Variants in AVL9 observed in about 807,000 individuals in gnomAD.
The protein encoded by AVL9 is late secretory pathway protein AVL9 homolog.
A neutral mutation model predicts 79.2 loss-of-function variants in AVL9; 49 were observed. The observed-to-expected ratio is 0.62, with a 90% confidence interval of 0.49 to 0.79. The LOEUF is 0.79. Among genes scored for constraint, AVL9 ranks in the 30% least tolerant of loss-of-function variants. The probability of loss-of-function intolerance (pLI) is 0.00; values close to 1 mark genes in which losing one functional copy is unlikely to be tolerated. For synonymous variants in AVL9, 299 were observed against 280.6 expected (o/e 1.07, Z -0.65); for missense variants, 682 against 776.8 (o/e 0.88, Z 1.45).
chr7:32,527,811 T>G (rs1788468642), intron 1 of AVL9, among the ~76,000 whole-genome samples: 2 of 152,186 alleles, frequency 1.3e-5, no homozygotes, highest in Admixed American at 6.5e-5. Flanking sequence ...AAATTCAAAG[T>G]GTGTTCCACC....
At chr7:32,535,248 T>C (rs1333384388) in intron 1 of AVL9, 1 of 152,194 alleles carries the variant, frequency 6.6e-6, no homozygotes, top group Non-Finnish European at 1.5e-5. Flanking sequence ...GTAAATAAAA[T>C]CTTTGGAGAC....
rs984711889 is a variant in AVL9 at position 32,570,073 on chromosome 7, T to C, written c.1269T>C (p.Asp423=). 1.2e-6 allele frequency: 2 copies of C among 1,614,252 alleles called. No individual in the cohort carries two copies. Among genetic ancestry groups the C allele is most frequent in the Non-Finnish European group, 8.5e-7 (1 of 1,180,038 alleles). ...TGCAGCAGCATCATCTTCTCTCCGA[T>C]GTCACCGTTCGGGGGTTTGTTGCTG... The part of the protein sequence containing the change: ...MALQQHHLLS[D]VTVRGFVAGA... The change falls in exon 11 of 16, where the codon GAT becomes GAC. Residue 423 remains aspartate, a synonymous_variant. Coordinates refer to ENST00000318709, the MANE Select transcript of AVL9 (RefSeq NM_015060.3).
chr7:32,574,577 C>CT (rs973418915), intron 12 of AVL9, among the ~76,000 whole-genome samples: 54 of 149,474 alleles, frequency 3.6e-4, no homozygotes, highest in East Asian at 7.8e-4. Context: ...TAGTAGCTCA[C>CT]TTTTTTTTTT....
intron 1 of AVL9, among the ~76,000 whole-genome samples, chr7:32,515,525 A>G (rs1787869153): frequency 6.6e-6 from 1 of 152,174 alleles, no homozygotes; most frequent in Non-Finnish European, 1.5e-5. Flanking sequence ...TCCTGCTTCC[A>G]TGACAATAGA....
Position 32,583,826 on chromosome 7 carries a change from G to A in AVL9, c.1866G>A (p.Lys622=). ...QSVGGAFSSA[K]TAMSSWLSTF... is the part of the protein sequence containing the mutation. ...TTGGAGGAGCTTTTTCCAGTGCAAA[G>A]ACAGCTATGTCTTCATGGCTTTCCA... The change falls in exon 16 of 16, where the codon AAG becomes AAA. Residue 622 remains lysine, a synonymous_variant. Transcript: ENST00000318709. 6.2e-7 allele frequency: 1 copy of A among 1,614,044 alleles called. No individual in the cohort carries two copies.
chr7:32,530,601 C>G (rs1788605549), intron 1 of AVL9, among the ~76,000 whole-genome samples: 1 of 152,102 alleles, frequency 6.6e-6, no homozygotes, highest in Non-Finnish European at 1.5e-5. Context: ...TTCTTTTAAA[C>G]AAACATAATT....
chr7:32,511,077 C>A (rs1583493039), intron 1 of AVL9, among the ~76,000 whole-genome samples: 4 of 139,326 alleles, frequency 2.9e-5, no homozygotes, highest in South Asian at 2.3e-4. Context: ...AGTCCTGGCA[C>A]TTCTGAACTG....
At chr7:32,506,913 A>G (rs73097595) in intron 1 of AVL9, among the ~76,000 whole-genome samples, 8,846 of 152,230 alleles carry the variant, frequency 0.058, 360 homozygotes, top group Non-Finnish European at 0.087. Context: ...AATTATTATA[A>G]GAAAAAAACA....
intron 1 of AVL9, among the ~76,000 whole-genome samples, chr7:32,528,108 A>G (rs1240355143): frequency 6.6e-6 from 1 of 152,118 alleles, no homozygotes; most frequent in African/African-American, 2.4e-5. Context: ...CTTTCTATGC[A>G]TAACTGTCTG....
chr7:32,538,083 G>C (rs1788996955), intron 1 of AVL9: 1 of 152,196 alleles, frequency 6.6e-6, no homozygotes, highest in Non-Finnish European at 1.5e-5. Flanking sequence ...TGAGTCAACT[G>C]CGTCTTCAGT....
At chr7:32,558,536 G>A in intron 8 of AVL9, 23 bp from the exon 9 acceptor site, 1 of 1,569,284 alleles carries the variant, frequency 6.4e-7, no homozygotes, top group Non-Finnish European at 8.7e-7. Flanking sequence ...CTTCTAATTT[G>A]ATTTTGATTG....
intron 13 of AVL9, among the ~76,000 whole-genome samples, chr7:32,579,403 T>A (rs1422617274): frequency 3.9e-4 from 7 of 18,080 alleles, no homozygotes; most frequent in African/African-American, 1.1e-3. Flanking sequence ...ATGTTATATA[T>A]TATATATAAT....
chr7:32,573,251 A>C lies in AVL9; in HGVS notation c.1403A>C (p.Asn468Thr). ...IHDPELRKLL[N>T]PTTADLRFAD... ...GATCCAGAACTCAGGAAGCTGCTTAACCCAACCACTGCAGACCTAAGGTTC... is the reference window on the plus strand; with the variant it reads ...GATCCAGAACTCAGGAAGCTGCTTACCCCAACCACTGCAGACCTAAGGTTC... The change falls in exon 12 of 16, where the codon AAC becomes ACC. Residue 468 changes from asparagine to threonine, a missense_variant. Asn to Thr is a moderately conservative substitution (Grantham distance 65). Coordinates refer to ENST00000318709, the MANE Select transcript of AVL9 (RefSeq NM_015060.3). 1.9e-6 allele frequency: 3 copies of C among 1,614,000 alleles called. No individual in the cohort carries two copies. The highest frequency in any genetic ancestry group is 2.2e-5 in the East Asian group (1 of 44,876).
intron 10 of AVL9, among the ~76,000 whole-genome samples, chr7:32,563,032 GTGTTT>G (rs1233405338): frequency 6.6e-6 from 1 of 152,096 alleles, no homozygotes; most frequent in Non-Finnish European, 1.5e-5. Context: ...GGTTTTTGTT[GTGTTT>G]TGTTTTGTTT....
chr7:32,555,080 T>C (rs1789998234), intron 8 of AVL9, among the ~76,000 whole-genome samples: 1 of 152,192 alleles, frequency 6.6e-6, no homozygotes, highest in Non-Finnish European at 1.5e-5. Context: ...GGCTCACACT[T>C]GTAATCCTAG....
intron 1 of AVL9, among the ~76,000 whole-genome samples, chr7:32,522,826 G>A (rs1583512701): frequency 6.6e-6 from 1 of 152,102 alleles, no homozygotes; most frequent in African/African-American, 2.4e-5. Context: ...GGAGGTAATT[G>A]AATCATGGCA....
At chr7:32,498,604 G>C (rs1786971567) in intron 1 of AVL9, among the ~76,000 whole-genome samples, 1 of 150,092 alleles carries the variant, frequency 6.7e-6, no homozygotes, top group Admixed American at 6.6e-5. Context: ...TTTATCACTT[G>C]ATCTTTTTTT....
intron 1 of AVL9, among the ~76,000 whole-genome samples, chr7:32,511,664 G>A (rs185119638): frequency 6.6e-6 from 1 of 151,932 alleles, no homozygotes; most frequent in East Asian, 1.9e-4. Flanking sequence ...AGGGAGTTCC[G>A]GGAGGTAGGG....
intron 1 of AVL9, chr7:32,536,583 A>G (rs1788920909): frequency 6.6e-6 from 1 of 152,136 alleles, no homozygotes; most frequent in East Asian, 1.9e-4. Context: ...ATTATCAGAT[A>G]GCAACTGGGC....
Sources: gnomAD v4.1 joint callset for allele counts (sites outside exome capture counted in the v4.1 genomes callset) on GRCh38, gnomAD v4.1.1 for gene constraint, MANE v1.5 for transcripts, NCBI Gene and HGNC (gene_info 2026-07-23, HGNC 2026-07-21) for gene names.